Variants in EDNRB observed in about 807,000 individuals in gnomAD.
EDNRB encodes endothelin receptor type B, also known as Hirschsprung disease 2.
EDNRB carries 18 observed loss-of-function variants against 46.4 expected under a neutral mutation model. The ratio of observed to expected loss-of-function variants is 0.39; its 90% CI spans 0.27 to 0.57. The LOEUF (loss-of-function observed/expected upper bound fraction) is 0.57, where lower values mean the gene tolerates loss of function less well. EDNRB is among the 20% of genes least tolerant of loss of function. EDNRB has a pLI of 0.61. For missense variants in EDNRB, 434 were observed against 537.5 expected (o/e 0.81, Z 1.90); for synonymous variants, 213 against 204.9 (o/e 1.04, Z -0.34).
intron 3 of EDNRB, 34 bp downstream of exon 3, chr13:77,903,122 G>T: frequency 6.2e-7 from 1 of 1,606,556 alleles, no homozygotes; most frequent in Non-Finnish European, 8.5e-7. Context: ...TATAAGGCAA[G>T]AGCAGAAAGG....
chr13:77,906,167 A>G (rs963651036), intron 1 of EDNRB, among the ~76,000 whole-genome samples: 2 of 151,846 alleles, frequency 1.3e-5, no homozygotes, highest in African/African-American at 4.8e-5. Context: ...AAGTCAGGAC[A>G]CTCACAGAGG....
upstream of EDNRB, chr13:77,919,521 C>T (rs762370619): frequency 9.3e-6 from 15 of 1,612,588 alleles, no homozygotes; most frequent in Admixed American, 1.7e-5. Context: ...GCAGGCGGGT[C>T]CGGCTCTGAC....
At chr13:77,920,542 A>C (rs1436141844), upstream of EDNRB, among the ~76,000 whole-genome samples, 1 of 152,216 alleles carries the variant, frequency 6.6e-6, no homozygotes, top group African/African-American at 2.4e-5. Flanking sequence ...ATGGGACAAG[A>C]ACCTTGGATT....
chr13:77,905,371 A>T (rs891022734), intron 1 of EDNRB, among the ~76,000 whole-genome samples: 3 of 151,536 alleles, frequency 2.0e-5, no homozygotes. Flanking sequence ...TTTTTAAAAA[A>T]CTCTCATATA....
intron 3 of EDNRB, among the ~76,000 whole-genome samples, chr13:77,902,954 A>T (rs941065943): frequency 6.6e-6 from 1 of 151,890 alleles, no homozygotes; most frequent in African/African-American, 2.4e-5. Context: ...GATCAAGGGG[A>T]TTCTTAGAGA....
intron 1 of EDNRB, among the ~76,000 whole-genome samples, chr13:77,973,413 T>C (rs991811268): frequency 7.2e-5 from 11 of 152,194 alleles, no homozygotes; most frequent in African/African-American, 2.4e-4. Flanking sequence ...TAACATTTTA[T>C]AATTTTTGCT....
intron 1 of EDNRB, among the ~76,000 whole-genome samples, chr13:77,968,236 C>A (rs1881634741): frequency 6.6e-6 from 1 of 151,800 alleles, no homozygotes; most frequent in Admixed American, 6.6e-5. Context: ...TTATCTTAAG[C>A]AACATTGAGA....
At chr13:77,914,263 A>G (rs1377378756) in intron 1 of EDNRB, among the ~76,000 whole-genome samples, 1 of 152,192 alleles carries the variant, frequency 6.6e-6, no homozygotes, top group Non-Finnish European at 1.5e-5. Context: ...GTCACGACAA[A>G]AGCTGGAAAA....
In EDNRB at chr13:77,895,620, G is replaced by A. The variant is rs1033570814; in HGVS notation, c.*2580C>T. 2.0e-5 allele frequency: 3 copies of A among 151,914 alleles called. No individual in the cohort carries two copies. Among genetic ancestry groups the A allele is most frequent in the East Asian group, 1.9e-4 (1 of 5,160 alleles). The allele number at this position is 151,914 out of a possible 1,614,324, so 9.4% of individuals were successfully genotyped here. On this transcript the variant is annotated 3_prime_UTR_variant, in exon 7 of 7. Transcript: ENST00000646607. ...ATTAGTATTTAATGAATTAGTGTCT[G>A]TACAGTGAAAAATAAGGTAGTTGTT...
At position 77,897,299 on chromosome 13, in the gene EDNRB, A is replaced by G; in HGVS notation, c.*901T>C. ...AAAACCAAACAGAGTTTAAGCTACG[A>G]TAGTGAAAGAAGAAGATTTTAATAA... On this transcript the variant is annotated 3_prime_UTR_variant, in exon 7 of 7. Coordinates refer to ENST00000646607, the MANE Select transcript of EDNRB (RefSeq NM_001122659.3). 1 of 985,266 alleles carries G rather than the reference A, an allele frequency of 1.0e-6. No individual in the cohort carries two copies. 61.0% of individuals were successfully genotyped at this position (985,266 alleles called of 1,614,324 possible).
At chr13:77,931,761 C>CCA (rs1880413211) in intron 1 of EDNRB, among the ~76,000 whole-genome samples, 5 of 97,770 alleles carry the variant, frequency 5.1e-5, no homozygotes, top group African/African-American at 1.9e-4. Flanking sequence ...AAAAAAAAAA[C>CCA]AAAAAAAAAA....
chr13:77,968,012 A>T (rs978227449), intron 1 of EDNRB, among the ~76,000 whole-genome samples: 10 of 152,196 alleles, frequency 6.6e-5, no homozygotes, highest in African/African-American at 2.4e-4. Context: ...TGCCATGAAC[A>T]GTTTAAGTTT....
intron 1 of EDNRB, among the ~76,000 whole-genome samples, chr13:77,973,266 T>G (rs1881789971): frequency 1.3e-5 from 2 of 152,200 alleles, no homozygotes; most frequent in African/African-American, 4.8e-5. Flanking sequence ...CCTGTATGAT[T>G]TTTATACCAG....
rs143576076 is a variant in EDNRB at position 77,914,325 on chromosome 13, T to C, written c.483+3766A>G. Among the ~76,000 whole-genome samples the C allele has an allele frequency of 4.4e-3, 666 of 152,290 alleles. 5 individuals carry two copies. Among genetic ancestry groups the C allele is most frequent in the African/African-American group, 0.015 (634 of 41,574 alleles). On this transcript the variant is annotated intron_variant, in intron 1 of 6. Coordinates refer to ENST00000646607, the MANE Select transcript of EDNRB (RefSeq NM_001122659.3). ...CACACATACACACATTTTAATAACA[T>C]TTATCATTTCTTGCTATATGCCATG...
intron 1 of EDNRB, among the ~76,000 whole-genome samples, chr13:77,932,271 TC>T (rs906081660): frequency 6.6e-6 from 1 of 152,176 alleles, no homozygotes; most frequent in Non-Finnish European, 1.5e-5. Flanking sequence ...TCTTTTTCAA[TC>T]TTTTCAGTGT....
chr13:77,926,159 C>G (rs1417878069), intron 1 of EDNRB, among the ~76,000 whole-genome samples: 13 of 152,190 alleles, frequency 8.5e-5, no homozygotes, highest in Admixed American at 8.5e-4. Context: ...CATGGGGACC[C>G]TGGGACATTT....
At position 77,962,272 on chromosome 13, in the gene EDNRB, T is replaced by G. The variant is rs576745950; in HGVS notation, c.-52+13075A>C. On this transcript the variant is annotated intron_variant, in intron 1 of 7. Transcript: ENST00000646948. ...AGAAAAAGACGGAATCCCCCCTAAC[T>G]CATTTTATAAGGCCAGCATCATCCT... Among the ~76,000 whole-genome samples the G allele has an allele frequency of 8.8e-4, 134 of 152,188 alleles. 1 individual carries two copies. Among genetic ancestry groups the G allele is most frequent in the African/African-American group, 3.0e-3 (123 of 41,512 alleles).
intron 1 of EDNRB, among the ~76,000 whole-genome samples, chr13:77,952,130 G>T (rs535841901): frequency 1.3e-5 from 2 of 152,020 alleles, no homozygotes; most frequent in Non-Finnish European, 2.9e-5. Context: ...TTTAGGGAGC[G>T]CAAAGTAAAA....
chr13:77,931,776 A>AAAAAAAAAAAAAAAC (rs1566324494), intron 1 of EDNRB, among the ~76,000 whole-genome samples: 1 of 102,888 alleles, frequency 9.7e-6, no homozygotes, highest in Non-Finnish European at 2.0e-5. Context: ...AAAAAAAAAC[A>AAAAAAAAAAAAAAAC]AAAAAAACCT....
Sources: gnomAD v4.1 joint callset for allele counts (sites outside exome capture counted in the v4.1 genomes callset) on GRCh38, gnomAD v4.1.1 for gene constraint, MANE v1.5 for transcripts, NCBI Gene and HGNC (gene_info 2026-07-23, HGNC 2026-07-21) for gene names.